Variants in SHQ1 observed in about 807,000 individuals in gnomAD.
The protein encoded by SHQ1 is protein SHQ1 homolog.
A neutral mutation model predicts 53.8 loss-of-function variants in SHQ1; 49 were observed. That is an observed-to-expected ratio of 0.91 (90% CI 0.72 to 1.16). The LOEUF (loss-of-function observed/expected upper bound fraction) is 1.16. Among genes scored for constraint, SHQ1 ranks in the 50% most tolerant of loss-of-function variants. SHQ1 has a pLI of 0.00. For missense variants in SHQ1, 738 were observed against 683.1 expected, an observed-to-expected ratio of 1.08 and a Z score of -0.90; for synonymous variants, 243 against 251.0, an observed-to-expected ratio of 0.97 and a Z score of 0.30.
intron 6 of SHQ1, among the ~76,000 whole-genome samples, chr3:72,821,949 T>G (rs1707490913): frequency 6.6e-6 from 1 of 152,254 alleles, no homozygotes; most frequent in Non-Finnish European, 1.5e-5. Context: ...GCTTTCTAAA[T>G]GTATAAAAAT....
downstream of SHQ1, among the ~76,000 whole-genome samples, chr3:72,747,511 A>C (rs1187639450): frequency 1.3e-5 from 2 of 152,216 alleles, no homozygotes; most frequent in Non-Finnish European, 2.9e-5. Flanking sequence ...TTTCCATGCT[A>C]TGTAGGGAAG....
At chr3:72,797,568 C>A (rs1372269989) in intron 9 of SHQ1, among the ~76,000 whole-genome samples, 1 of 152,142 alleles carries the variant, frequency 6.6e-6, no homozygotes, top group Non-Finnish European at 1.5e-5. Flanking sequence ...TATTTTTAAA[C>A]AACTGAGAAG....
At chr3:72,739,493 A>G in the SHQ1 span, among the ~76,000 whole-genome samples, 4 of 152,218 alleles carry the variant, frequency 2.6e-5, no homozygotes, top group African/African-American at 9.6e-5. Context: ...AGAGAGGTAA[A>G]GATGGGGTTC....
chr3:72,772,176 A>C (rs1395105301), intron 10 of SHQ1, among the ~76,000 whole-genome samples: 5 of 152,152 alleles, frequency 3.3e-5, no homozygotes, highest in Admixed American at 3.3e-4. Flanking sequence ...AAAAAGCTTA[A>C]AGCAAAATGT....
At chr3:72,768,220 C>T (rs1303430139) in intron 10 of SHQ1, among the ~76,000 whole-genome samples, 2 of 152,186 alleles carry the variant, frequency 1.3e-5, no homozygotes, top group East Asian at 1.9e-4. Flanking sequence ...TTACACAAAT[C>T]GCTGACCCTG....
chr3:72,823,098 G>A (rs1190852285), intron 6 of SHQ1, among the ~76,000 whole-genome samples: 1 of 143,994 alleles, frequency 6.9e-6, no homozygotes. Context: ...GCAGTAAGCC[G>A]ACATTGTGCC....
chr3:72,806,935 C>T (rs138787256), intron 9 of SHQ1, among the ~76,000 whole-genome samples: 181 of 152,284 alleles, frequency 1.2e-3, no homozygotes, highest in African/African-American at 4.1e-3. Context: ...GTAGTGAACA[C>T]GCTCCCCGGC....
At chr3:72,755,608 A>ACAAAAAGGGAAACCTGTGAACC (rs1705483046) in intron 10 of SHQ1, among the ~76,000 whole-genome samples, 1 of 152,202 alleles carries the variant, frequency 6.6e-6, no homozygotes, top group East Asian at 1.9e-4. Flanking sequence ...CCTAGCAATC[A>ACAAAAAGGGAAACCTGTGAACC]CTGTTCACAA....
At chr3:72,846,775 G>A (rs530957275) in intron 1 of SHQ1, among the ~76,000 whole-genome samples, 4 of 152,174 alleles carry the variant, frequency 2.6e-5, no homozygotes, top group South Asian at 4.1e-4. Context: ...AGTTGGGGGG[G>A]TGCCCACAAA....
At chr3:72,823,232 T>C (rs1011978852) in intron 6 of SHQ1, among the ~76,000 whole-genome samples, 1 of 151,926 alleles carries the variant, frequency 6.6e-6, no homozygotes, top group African/African-American at 2.4e-5. Context: ...AATATTATAG[T>C]AGCAATTTTT....
At chr3:72,838,089 G>A (rs1446074407) in intron 4 of SHQ1, among the ~76,000 whole-genome samples, 1 of 152,212 alleles carries the variant, frequency 6.6e-6, no homozygotes, top group East Asian at 1.9e-4. Flanking sequence ...CATACTTTAT[G>A]TAATAACCTC....
At chr3:72,747,044 ACAACCTG>A (rs1705271314), downstream of SHQ1, among the ~76,000 whole-genome samples, 1 of 152,218 alleles carries the variant, frequency 6.6e-6, no homozygotes, top group South Asian at 2.1e-4. Flanking sequence ...TCATGTTAAT[ACAACCTG>A]GAAAAGTACA....
At chr3:72,806,409 T>G (rs1319273338) in intron 9 of SHQ1, among the ~76,000 whole-genome samples, 1 of 152,168 alleles carries the variant, frequency 6.6e-6, no homozygotes, top group African/African-American at 2.4e-5. Context: ...GATTGTTCTA[T>G]TCTTAGAAAC....
intron 10 of SHQ1, among the ~76,000 whole-genome samples, chr3:72,787,930 G>A (rs1706291568): frequency 6.6e-6 from 1 of 152,340 alleles, no homozygotes; most frequent in East Asian, 1.9e-4. Context: ...TGGCCGGGCT[G>A]GTCTCCAGCT....
intron 10 of SHQ1, chr3:72,773,378 C>T: frequency 2.0e-6 from 1 of 490,018 alleles, no homozygotes; most frequent in South Asian, 1.8e-5. Context: ...TGACACAGTA[C>T]ATCCCTCAGC....
rs140444331 is a variant in SHQ1 at position 72,761,933 on chromosome 3, T to C, written c.1182-11097A>G. 5.6e-3 allele frequency among the ~76,000 whole-genome samples: 854 copies of C among 152,290 alleles called. 9 individuals carry two copies. Among genetic ancestry groups the C allele is most frequent in the African/African-American group, 0.019 (799 of 41,568 alleles). On this transcript the variant is annotated intron_variant, in intron 10 of 10. Transcript: ENST00000325599. The stretch of plus-strand genomic sequence containing the variant: ...TCAAACGATAAACAGGTGGGCTACA[T>C]GTTTAAAAAGTCCTCCATCAGAATG...
chr3:72,735,251 G>GT, the SHQ1 span, among the ~76,000 whole-genome samples: 1 of 151,276 alleles, frequency 6.6e-6, no homozygotes, highest in Non-Finnish European at 1.5e-5. Context: ...CCTACCATTT[G>GT]TTTATCTCAT....
intron 9 of SHQ1, chr3:72,794,747 C>T (rs1027739165): frequency 1.1e-4 from 17 of 152,232 alleles, no homozygotes; most frequent in Admixed American, 9.8e-4. Flanking sequence ...TTTCCCTTCT[C>T]CATGTGACCT....
In SHQ1 at chr3:72,832,446, T is replaced by C; in HGVS notation, c.522A>G (p.Pro174=). ...ELSDVIDIKD[P]DFTPAAERRQ... ...TTCGTTCAGCTGCAGGGGTGAAATC[T>C]GGATCCTTAATATCAATAACATCAC... The change falls in exon 5 of 11, where the codon CCA becomes CCG. Residue 174 remains proline, a synonymous_variant. Coordinates refer to ENST00000325599, the MANE Select transcript of SHQ1 (RefSeq NM_018130.3). 1 of 1,612,976 alleles carries C rather than the reference T, an allele frequency of 6.2e-7. No individual in the cohort carries two copies. The highest frequency in any genetic ancestry group is 8.5e-7 in the Non-Finnish European group (1 of 1,179,910).
Sources: gnomAD v4.1 joint callset for allele counts (sites outside exome capture counted in the v4.1 genomes callset) on GRCh38, gnomAD v4.1.1 for gene constraint, MANE v1.5 for transcripts, NCBI Gene and HGNC (gene_info 2026-07-23, HGNC 2026-07-21) for gene names.